WHR1: variants seen among roughly 807,000 people sequenced by gnomAD.
The protein encoded by WHR1 is winged helix repair factor 1, also known as MHC class III HLA-RP1.
the WHR1 span, chr6:31,972,526 C>T: frequency 6.2e-7 from 1 of 1,600,618 alleles, no homozygotes; most frequent in East Asian, 2.2e-5. This position sits in a 1 kb window ranked among gnomAD's most constrained non-coding sequence, Gnocchi z 6.3. Flanking sequence ...CCATGGCAAC[C>T]CCGGGGGTGG....
the WHR1 span, chr6:31,972,265 G>C: frequency 6.2e-7 from 1 of 1,613,120 alleles, no homozygotes; most frequent in Non-Finnish European, 8.5e-7. This position sits in a 1 kb window ranked among gnomAD's most constrained non-coding sequence, Gnocchi z 6.3. Context: ...CCTGAGGGAC[G>C]ACAAGTTGAC....
the WHR1 span, chr6:31,979,775 T>C: frequency 1.8e-6 from 1 of 543,068 alleles, no homozygotes; most frequent in Non-Finnish European, 3.2e-6. Context: ...TAGAATTCAG[T>C]TCTTGGTGGC....
the WHR1 span, chr6:31,979,101 C>T: frequency 5.9e-6 from 7 of 1,193,970 alleles, no homozygotes; most frequent in Admixed American, 2.0e-5. Flanking sequence ...AATTTCCCTG[C>T]CCCCACATCC....
the WHR1 span, among the ~76,000 whole-genome samples, chr6:31,976,173 C>T: frequency 5.4e-5 from 8 of 149,356 alleles, no homozygotes; most frequent in African/African-American, 5.0e-5. Context: ...GGCGGCTGGC[C>T]GGGCAGAGGG....
the WHR1 span, chr6:31,971,500 T>C: frequency 5.0e-6 from 8 of 1,614,100 alleles, no homozygotes; most frequent in East Asian, 1.8e-4. This position sits in a 1 kb window ranked among gnomAD's most constrained non-coding sequence, Gnocchi z 4.5. Flanking sequence ...TCCATGGTAC[T>C]GGCGTTGAGC....
At chr6:31,976,166 G>A in the WHR1 span, among the ~76,000 whole-genome samples, 19 of 144,816 alleles carry the variant, frequency 1.3e-4, no homozygotes, top group African/African-American at 3.1e-4. Flanking sequence ...CGGACAGGGC[G>A]GCTGGCCGGG....
At chr6:31,975,522 A>G in the WHR1 span, among the ~76,000 whole-genome samples, 187 of 149,588 alleles carry the variant, frequency 1.3e-3, no homozygotes, top group African/African-American at 4.4e-3. Flanking sequence ...TTTTATAGGG[A>G]TGGGGTTTCA....
the WHR1 span, chr6:31,973,010 G>A: frequency 2.8e-6 from 2 of 712,822 alleles, no homozygotes. Flanking sequence ...TACAGCGCTG[G>A]GAGTGCAGTC....
At chr6:31,971,379 GACCTCCTCGTCC>G in the WHR1 span, 1 of 1,577,170 alleles carries the variant, frequency 6.3e-7, no homozygotes, top group Non-Finnish European at 8.6e-7. This position sits in a 1 kb window ranked among gnomAD's most constrained non-coding sequence, Gnocchi z 4.5. Context: ...GCCTTTCCTG[GACCTCCTCGTCC>G]CGGGGCTGGT....
the WHR1 span, among the ~76,000 whole-genome samples, chr6:31,976,845 C>T: frequency 1.3e-5 from 2 of 152,230 alleles, no homozygotes; most frequent in Non-Finnish European, 2.9e-5. Context: ...AGCTGGAGAC[C>T]AGCCCGGCCA....
chr6:31,975,830 G>A, the WHR1 span, among the ~76,000 whole-genome samples: 20 of 151,750 alleles, frequency 1.3e-4, 1 homozygote, highest in Non-Finnish European at 2.9e-4. Context: ...CGGGCAGAGG[G>A]GCTCCTCACT....
the WHR1 span, among the ~76,000 whole-genome samples, chr6:31,976,956 G>A: frequency 0.033 from 4,955 of 152,326 alleles, 105 homozygotes; most frequent in South Asian, 0.055. Flanking sequence ...AGGCAGGAGA[G>A]TCAGGCAGGG....
the WHR1 span, among the ~76,000 whole-genome samples, chr6:31,976,449 C>T: frequency 3.7e-4 from 55 of 147,078 alleles, no homozygotes; most frequent in African/African-American, 1.4e-3. Context: ...CCAGACGGGG[C>T]GGCGGGGCAA....
the WHR1 span, among the ~76,000 whole-genome samples, chr6:31,977,690 G>T: frequency 8.2e-3 from 1,247 of 151,450 alleles, 10 homozygotes; most frequent in South Asian, 0.039. Flanking sequence ...CATCATGTTG[G>T]CCAGGCTGGT....
the WHR1 span, chr6:31,979,707 A>C: frequency 1.0e-6 from 1 of 987,880 alleles, no homozygotes; most frequent in Non-Finnish European, 1.5e-6. Context: ...CCAAGTTTGT[A>C]TTCCTCCCCA....
At chr6:31,972,155 G>A in the WHR1 span, 17 of 1,612,810 alleles carry the variant, frequency 1.1e-5, no homozygotes, top group Middle Eastern at 1.7e-4. This position sits in a 1 kb window ranked among gnomAD's most constrained non-coding sequence, Gnocchi z 6.3. Context: ...CCGGGCGTGC[G>A]TGCCCTTGGA....
chr6:31,980,798 A>T, the WHR1 span: 1 of 1,549,708 alleles, frequency 6.5e-7, no homozygotes, highest in Non-Finnish European at 8.7e-7. Context: ...CAGCTAGTGG[A>T]CTGGTGAGTC....
the WHR1 span, among the ~76,000 whole-genome samples, chr6:31,976,300 G>T: frequency 6.6e-6 from 1 of 151,784 alleles, no homozygotes; most frequent in African/African-American, 2.4e-5. Context: ...GGCGGCTGCC[G>T]GGCGGAGATG....
At chr6:31,979,663 C>G in the WHR1 span, 5 of 1,438,166 alleles carry the variant, frequency 3.5e-6, no homozygotes, top group Non-Finnish European at 4.7e-6. Flanking sequence ...AGAAAAGCTG[C>G]CAAAAAGCTG....
Sources: allele counts gnomAD v4.1 joint callset (sites outside exome capture counted in the v4.1 genomes callset), GRCh38; gene constraint gnomAD v4.1.1; non-coding constraint Gnocchi (gnomAD v3.1); transcripts MANE v1.5; gene names NCBI Gene and HGNC (gene_info 2026-07-23, HGNC 2026-07-21).